Variants in ULK4 observed in about 807,000 individuals in gnomAD.
ULK4 encodes the protein unc-51 like kinase 4.
ULK4 carries 133 observed loss-of-function variants against 160.6 expected under a neutral mutation model. That is an observed-to-expected ratio of 0.83 (90% confidence interval 0.72 to 0.96). The LOEUF (loss-of-function observed/expected upper bound fraction) is 0.96, where lower values mean the gene tolerates loss of function less well. Ranked by LOEUF, ULK4 falls within the 40% of genes least tolerant of loss-of-function variation. The pLI is 0.00. For missense variants in ULK4, 1,580 were observed against 1,499.5 expected, an observed-to-expected ratio of 1.05 and a Z score of -0.89; for synonymous variants, 534 against 539.8, an observed-to-expected ratio of 0.99 and a Z score of 0.15.
chr3:41,930,775 C>T (rs534970402), intron 5 of ULK4, among the ~76,000 whole-genome samples: 45 of 152,224 alleles, frequency 3.0e-4, no homozygotes, highest in African/African-American at 1.0e-3. Flanking sequence ...AAATGCAAAT[C>T]AAAACCACAA....
At chr3:41,897,159 T>C (rs1698188125) in intron 14 of ULK4, among the ~76,000 whole-genome samples, 156 bp from the exon 15 acceptor site, 1 of 152,238 alleles carries the variant, frequency 6.6e-6, no homozygotes, top group Admixed American at 6.5e-5. Context: ...ACTATTTTTA[T>C]TCGTCCTTCT....
intron 16 of ULK4, among the ~76,000 whole-genome samples, chr3:41,893,887 C>G (rs902870594): frequency 6.6e-6 from 1 of 152,062 alleles, no homozygotes. Flanking sequence ...GTTAAGGACC[C>G]TTTATCATAT....
intron 35 of ULK4, among the ~76,000 whole-genome samples, chr3:41,384,570 G>C (rs890148613): frequency 1.3e-5 from 2 of 152,082 alleles, no homozygotes; most frequent in Non-Finnish European, 2.9e-5. Context: ...GGGTGGTATG[G>C]CTTGTAGAGT....
intron 31 of ULK4, among the ~76,000 whole-genome samples, chr3:41,613,019 G>A (rs62256958): frequency 0.041 from 6,191 of 152,260 alleles, 174 homozygotes; most frequent in Non-Finnish European, 0.063. Flanking sequence ...ATGATGTTTC[G>A]CTATTTTCTT....
intron 12 of ULK4, among the ~76,000 whole-genome samples, chr3:41,904,882 G>C (rs758676748): frequency 9.9e-5 from 15 of 152,158 alleles, no homozygotes; most frequent in African/African-American, 3.1e-4. Flanking sequence ...TCCTGTGTTC[G>C]TGGAGGAACA....
At chr3:41,356,996 C>T (rs757844734) in intron 35 of ULK4, among the ~76,000 whole-genome samples, 4 of 152,154 alleles carry the variant, frequency 2.6e-5, no homozygotes, top group Non-Finnish European at 5.9e-5. Context: ...GAGTCACAAG[C>T]AAGAATTTGG....
At chr3:41,762,368 C>A (rs2039011201) in intron 21 of ULK4, among the ~76,000 whole-genome samples, 1 of 151,744 alleles carries the variant, frequency 6.6e-6, no homozygotes, top group Non-Finnish European at 1.5e-5. Context: ...GCTCTATCTA[C>A]CCAAAAGAAT....
chr3:41,859,421 G>A, intron 17 of ULK4: 1 of 560,832 alleles, frequency 1.8e-6, no homozygotes, highest in Non-Finnish European at 3.6e-6. Context: ...GGGTTGAGTT[G>A]GGCCAGAATT....
intron 32 of ULK4, among the ~76,000 whole-genome samples, chr3:41,537,535 A>G (rs1160501855): frequency 6.6e-6 from 1 of 152,188 alleles, no homozygotes; most frequent in African/African-American, 2.4e-5. Context: ...AATTACAGGC[A>G]CTGTGTTTGG....
intron 2 of ULK4, among the ~76,000 whole-genome samples, chr3:41,948,847 T>C (rs1197874625): frequency 6.6e-6 from 1 of 151,962 alleles, no homozygotes; most frequent in African/African-American, 2.4e-5. Flanking sequence ...GCTTTTCCTC[T>C]AACATTAAGA....
chr3:41,935,462 C>G (rs988940936), intron 4 of ULK4, among the ~76,000 whole-genome samples: 5 of 151,782 alleles, frequency 3.3e-5, no homozygotes, highest in African/African-American at 1.2e-4. Context: ...ATCTCTTGAC[C>G]TCGTGATCCG....
chr3:41,580,645 A>G (rs1356434685), intron 31 of ULK4, among the ~76,000 whole-genome samples: 4 of 152,186 alleles, frequency 2.6e-5, no homozygotes, highest in African/African-American at 9.6e-5. Context: ...CATACGAGTG[A>G]CAAGCCCTGT....
chr3:41,785,405 T>G (rs1229601085), intron 21 of ULK4, among the ~76,000 whole-genome samples: 1 of 152,212 alleles, frequency 6.6e-6, no homozygotes, highest in East Asian at 1.9e-4. Flanking sequence ...AACCAACATG[T>G]TAACAAAAAT....
chr3:41,858,266 C>T (rs543136453), intron 17 of ULK4, among the ~76,000 whole-genome samples: 7 of 150,318 alleles, frequency 4.7e-5, no homozygotes, highest in Non-Finnish European at 8.9e-5. Context: ...ATTCTTGTGC[C>T]TCAGCCTCCC....
At chr3:41,725,361 T>A (rs1383786420) in intron 22 of ULK4, among the ~76,000 whole-genome samples, 2 of 152,194 alleles carry the variant, frequency 1.3e-5, no homozygotes, top group Non-Finnish European at 2.9e-5. Flanking sequence ...TCGTTTATTA[T>A]AAAACCCACA....
chr3:41,892,144 C>T (rs1313751445), intron 16 of ULK4, among the ~76,000 whole-genome samples: 2 of 152,114 alleles, frequency 1.3e-5, no homozygotes, highest in African/African-American at 4.8e-5. Context: ...AAGATATTTG[C>T]AATCATTTAT....
At chr3:41,762,562 G>A (rs759020099) in intron 21 of ULK4, among the ~76,000 whole-genome samples, 22 of 151,656 alleles carry the variant, frequency 1.5e-4, no homozygotes, top group Non-Finnish European at 3.1e-4. Context: ...GGAGGCCTCA[G>A]GAAACTTAGA....
intron 16 of ULK4, among the ~76,000 whole-genome samples, chr3:41,886,677 G>C (rs1697733573): frequency 1.3e-5 from 2 of 151,934 alleles, no homozygotes; most frequent in South Asian, 4.2e-4. Flanking sequence ...CTGGGTTCAA[G>C]CCATTCTCCT....
At position 41,346,113 on chromosome 3, in the gene ULK4, C is replaced by T. The variant is rs943128838; in HGVS notation, c.3678+51966G>A. 3.3e-5 allele frequency among the ~76,000 whole-genome samples: 5 copies of T among 152,156 alleles called. No homozygotes were observed. In the South Asian group the frequency reaches 1.0e-3, roughly 32 times the overall value. ...GTCAAGAAGGACTTCGTAAGCCACACTCAAGACTCCCGGCTTCATCTGAGG... is the reference window on the plus strand; with the variant it reads ...GTCAAGAAGGACTTCGTAAGCCACATTCAAGACTCCCGGCTTCATCTGAGG... On this transcript the variant is annotated intron_variant, in intron 35 of 36. Coordinates refer to ENST00000301831, the MANE Select transcript of ULK4 (RefSeq NM_017886.4).
Sources: gnomAD v4.1 joint callset for allele counts (sites outside exome capture counted in the v4.1 genomes callset) on GRCh38, gnomAD v4.1.1 for gene constraint, MANE v1.5 for transcripts, NCBI Gene and HGNC (gene_info 2026-07-23, HGNC 2026-07-21) for gene names.